GBX1: variants seen among roughly 807,000 people sequenced by gnomAD.
The protein encoded by GBX1 is gastrulation brain homeobox 1.
GBX1 carries 9 observed loss-of-function variants against 22.9 expected under a neutral mutation model. The ratio of observed to expected loss-of-function variants is 0.39; its 90% CI spans 0.24 to 0.69. The LOEUF is 0.69. Among genes scored for constraint, GBX1 ranks in the 30% least tolerant of loss-of-function variants. The pLI, the probability that GBX1 is intolerant of heterozygous loss-of-function variation, is 0.43. For missense variants in GBX1, 494 were observed against 509.2 expected (o/e 0.97, Z 0.29); for synonymous variants, 203 against 227.3 (o/e 0.89, Z 0.96).
Position 151,167,041 on chromosome 7 carries a change from G to A in GBX1, c.508C>T (p.His170Tyr). 2 of 1,601,892 alleles carry A rather than the reference G, an allele frequency of 1.2e-6. No individual in the cohort carries two copies. The highest frequency in any genetic ancestry group is 8.5e-7 in the Non-Finnish European group (1 of 1,175,920). ...VAEPPPPPPPHFSETFPSLPA... is the reference protein window; with the variant it reads ...VAEPPPPPPPYFSETFPSLPA... ...AGACTTGGAAAAGTCTCTGAGAAGT[G>A]CGGAGGCGGAGGTGGTGGGGGCTCT... The change falls in exon 1 of 2, where the codon CAC becomes TAC. Residue 170 changes from histidine to tyrosine, a missense_variant. Coordinates refer to ENST00000297537, the MANE Select transcript of GBX1 (RefSeq NM_001098834.3). The surrounding 1 kb of genome is among the most constrained non-coding windows in gnomAD (Gnocchi z 5.9).
intron 1 of GBX1, chr7:151,149,823 T>G: frequency 2.3e-6 from 1 of 438,372 alleles, no homozygotes; most frequent in African/African-American, 2.0e-5. Flanking sequence ...ATGCAGCACC[T>G]TGAGTGTGGC....
At chr7:151,150,022 C>T (rs777453570) in intron 1 of GBX1, 1 of 448,212 alleles carries the variant, frequency 2.2e-6, no homozygotes, top group East Asian at 7.2e-5. Context: ...GCTGGGAGGA[C>T]TGGAAGGAAT....
At chr7:151,156,425 AAG>A (rs1286654271) in intron 1 of GBX1, among the ~76,000 whole-genome samples, 1 of 150,770 alleles carries the variant, frequency 6.6e-6, no homozygotes, top group Non-Finnish European at 1.5e-5. Flanking sequence ...AACGAAAAAA[AAG>A]AGAGAGAAAG....
Position 151,167,477 on chromosome 7 carries a change from G to T in GBX1, c.72C>A (p.Ala24=). The change falls in exon 1 of 2, where the codon GCC becomes GCA. Residue 24 remains alanine, a synonymous_variant. Coordinates refer to ENST00000297537, the MANE Select transcript of GBX1 (RefSeq NM_001098834.3). This position sits in a 1 kb window ranked among gnomAD's most constrained non-coding sequence, Gnocchi z 5.9. ...GGGGGGGPGT[A]FSIDSLIGPP... is the part of the protein sequence containing the mutation. ...GCCCGATTAGGGAGTCGATGGAGAA[G>T]GCAGTGCCCGGGCCCCCGCCGCCGC... 1 of 1,501,776 alleles carries T rather than the reference G, an allele frequency of 6.7e-7. No individual in the cohort carries two copies. The highest frequency in any genetic ancestry group is 8.8e-7 in the Non-Finnish European group (1 of 1,131,414). The allele number at this position is 1,501,776 out of a possible 1,614,324, so 93.0% of individuals were successfully genotyped here. A position where few individuals can be genotyped will look rare whatever the true frequency, so the allele number is the denominator to read the frequency against.
intron 1 of GBX1, among the ~76,000 whole-genome samples, chr7:151,156,811 C>T (rs1047068259): frequency 1.3e-5 from 2 of 151,294 alleles, no homozygotes; most frequent in Non-Finnish European, 2.9e-5. Flanking sequence ...ATGGTAAAAC[C>T]CTGTTTCTAC....
intron 1 of GBX1, among the ~76,000 whole-genome samples, chr7:151,161,730 T>C (rs1389412742): frequency 6.6e-6 from 1 of 152,222 alleles, no homozygotes; most frequent in East Asian, 1.9e-4. Flanking sequence ...ACAACTATGA[T>C]TTTTGGCCTA....
At chr7:151,149,517 C>T (rs761851517) in intron 1 of GBX1, among the ~76,000 whole-genome samples, 35 of 152,020 alleles carry the variant, frequency 2.3e-4, no homozygotes, top group Non-Finnish European at 4.6e-4. Context: ...GGCCCAGCAT[C>T]GCAGTGATAT....
At chr7:151,150,928 C>T (rs1306036602) in intron 1 of GBX1, among the ~76,000 whole-genome samples, 1 of 152,172 alleles carries the variant, frequency 6.6e-6, no homozygotes, top group Non-Finnish European at 1.5e-5. Flanking sequence ...GACAGGATCT[C>T]ACTATGTTGC....
rs757707775 is a variant in GBX1 at position 151,167,171 on chromosome 7, G to T, written c.378C>A (p.Ala126=). ...YGPQELAAAA[A]AAAATAARNN... is the part of the protein sequence containing the mutation. Reference sequence around the variant, plus strand: ...TTCGGGCGGCAGTGGCGGCGGCGGCGGCAGCGGCGGCGGCGAGCTCCTGGG... The same window carrying T: ...TTCGGGCGGCAGTGGCGGCGGCGGCTGCAGCGGCGGCGGCGAGCTCCTGGG... The change falls in exon 1 of 2, where the codon GCC becomes GCA. Residue 126 remains alanine, a synonymous_variant. Transcript: ENST00000297537. This position sits in a 1 kb window ranked among gnomAD's most constrained non-coding sequence, Gnocchi z 5.9. 50 of 1,580,454 alleles carry T rather than the reference G, an allele frequency of 3.2e-5. No individual in the cohort carries two copies. The highest frequency in any genetic ancestry group is 4.1e-5 in the Non-Finnish European group (48 of 1,165,922).
intron 1 of GBX1, chr7:151,149,799 C>T (rs191845087): frequency 3.1e-4 from 126 of 403,146 alleles, no homozygotes; most frequent in African/African-American, 2.3e-3. Flanking sequence ...ACCTCATTTC[C>T]ATGGCTCCCA....
At chr7:151,154,433 CCAAA>C (rs1156409495) in intron 1 of GBX1, among the ~76,000 whole-genome samples, 1 of 152,006 alleles carries the variant, frequency 6.6e-6, no homozygotes. Context: ...GGTAAGTAGG[CCAAA>C]CAGACAGAAA....
At position 151,148,597 on chromosome 7, in the gene GBX1, G is replaced by T. The variant is rs746963346; in HGVS notation, c.1084C>A (p.Arg362=). 1.1e-5 allele frequency: 17 copies of T among 1,612,856 alleles called. No individual in the cohort carries two copies. The highest frequency in any genetic ancestry group is 1.4e-5 in the Non-Finnish European group (17 of 1,179,032). The change falls in exon 2 of 2, where the codon CGG becomes AGG. Residue 362 remains arginine, a synonymous_variant. Transcript: ENST00000297537. This position sits in a 1 kb window ranked among gnomAD's most constrained non-coding sequence, Gnocchi z 5.1. ...AGTTCTTGGGTGCCCATTCAGGGCC[G>T]GGCCCCCTGCTCCATTTGTTGGTGC... is the stretch of plus-strand genomic sequence containing the variant. ...SQHQQMEQGA[R]P
intron 1 of GBX1, among the ~76,000 whole-genome samples, chr7:151,156,361 G>A (rs950523690): frequency 7.8e-5 from 10 of 128,588 alleles, no homozygotes; most frequent in Non-Finnish European, 1.6e-4. Context: ...ACTCCAGTTT[G>A]GGCGACAGAG....
At chr7:151,149,652 G>C in intron 1 of GBX1, 1 of 297,916 alleles carries the variant, frequency 3.4e-6, no homozygotes, top group South Asian at 2.8e-5. Flanking sequence ...ACTGACCTTG[G>C]CAGGACAGAC....
At position 151,149,007 on chromosome 7, in the gene GBX1, C is replaced by T. The variant is rs900015489; in HGVS notation, c.674G>A (p.Gly225Asp). 3 of 1,613,966 alleles carry T rather than the reference C, an allele frequency of 1.9e-6. No homozygotes were observed. Among genetic ancestry groups the T allele is most frequent in the Admixed American group, 1.7e-5 (1 of 60,010 alleles). The change falls in exon 2 of 2, where the codon GGC becomes GAC. Residue 225 changes from glycine to aspartate, a missense_variant. By Grantham distance (94) the Gly-to-Asp change is moderately conservative. Around this residue, in one of 3 missense-constraint regions of GBX1, gnomAD observed 365 missense variants for 340.4 expected, o/e 1.07. Transcript: ENST00000297537. ...DDGFLDSSAGGPGALLGPKPK... is the reference protein window; with the variant it reads ...DDGFLDSSAGDPGALLGPKPK... ...TTTAGGTCCCAGAAGAGCCCCTGGGCCCCCTGCAGAACTGTCCAGGAAACC... is the reference window on the plus strand; with the variant it reads ...TTTAGGTCCCAGAAGAGCCCCTGGGTCCCCTGCAGAACTGTCCAGGAAACC...
chr7:151,163,265 A>G (rs1217345577), intron 1 of GBX1, among the ~76,000 whole-genome samples: 1 of 151,812 alleles, frequency 6.6e-6, no homozygotes, highest in Admixed American at 6.6e-5. Flanking sequence ...CGTCAGACAC[A>G]CGAGATAATC....
chr7:151,167,586 C>G lies in GBX1; in HGVS notation c.-38G>C, dbSNP rs1226755974. On this transcript the variant is annotated 5_prime_UTR_variant, in exon 1 of 2. Coordinates refer to ENST00000297537, the MANE Select transcript of GBX1 (RefSeq NM_001098834.3). The surrounding 1 kb of genome is among the most constrained non-coding windows in gnomAD (Gnocchi z 5.9). The stretch of plus-strand genomic sequence containing the variant: ...TGCGGCCGCCCCGGGGCGCTCCTCT[C>G]TGGGCGCCTCCGTGCGCCCCGCGGC... The G allele has an allele frequency of 1.5e-6, 2 of 1,321,884 alleles. No homozygotes were observed. The highest frequency in any genetic ancestry group is 6.4e-5 in the East Asian group (2 of 31,400). The allele number at this position is 1,321,884 out of a possible 1,614,324, so 81.9% of individuals were successfully genotyped here. A position where few individuals can be genotyped will look rare whatever the true frequency, so the allele number is the denominator to read the frequency against.
chr7:151,155,226 T>G (rs941123927), intron 1 of GBX1, among the ~76,000 whole-genome samples: 1 of 152,232 alleles, frequency 6.6e-6, no homozygotes, highest in African/African-American at 2.4e-5. Context: ...AATCTCTTCC[T>G]GATTTTCACA....
chr7:151,156,037 T>C (rs1801129480), intron 1 of GBX1, among the ~76,000 whole-genome samples: 1 of 152,050 alleles, frequency 6.6e-6, no homozygotes, highest in Non-Finnish European at 1.5e-5. Context: ...AAAAGCCCTC[T>C]CCCCAGATGT....
Sources: gnomAD v4.1 joint callset for allele counts (sites outside exome capture counted in the v4.1 genomes callset) on GRCh38, gnomAD v4.1.1 for gene constraint, gnomAD v4.1.1 regional missense constraint, Gnocchi (gnomAD v3.1) non-coding constraint, MANE v1.5 for transcripts, NCBI Gene and HGNC (gene_info 2026-07-23, HGNC 2026-07-21) for gene names.